ZNF827: variants seen among roughly 807,000 people sequenced by gnomAD.
The protein encoded by ZNF827 is zinc finger protein 827.
A neutral mutation model predicts 102.4 loss-of-function variants in ZNF827; 13 were observed. The observed-to-expected ratio is 0.13, with a 90% confidence interval of 0.08 to 0.20. ZNF827 has a LOEUF of 0.20. Ranked by LOEUF, ZNF827 falls within the 10% of genes least tolerant of loss-of-function variation. The pLI is 1.00. For synonymous variants in ZNF827, 523 were observed against 536.2 expected (o/e 0.98, Z 0.34); for missense variants, 1,103 against 1,344.4 (o/e 0.82, Z 2.81).
chr4:145,813,090 C>G (rs1024705437), intron 8 of ZNF827, among the ~76,000 whole-genome samples: 4 of 152,184 alleles, frequency 2.6e-5, no homozygotes, highest in Non-Finnish European at 5.9e-5. Flanking sequence ...CCATTAGTCA[C>G]TGACATCCTC....
intron 2 of ZNF827, 107 bp from the exon 3 acceptor site, chr4:145,892,522 G>T: frequency 1.6e-6 from 2 of 1,240,404 alleles, no homozygotes; most frequent in East Asian, 2.6e-5. Context: ...AAATGATTTG[G>T]GTTTTTTTCT....
intron 5 of ZNF827, among the ~76,000 whole-genome samples, chr4:145,851,845 C>T (rs1174169015): frequency 6.6e-6 from 1 of 152,154 alleles, no homozygotes; most frequent in Non-Finnish European, 1.5e-5. Context: ...CCAAGATACA[C>T]GCTTAGCTTC....
intron 8 of ZNF827, among the ~76,000 whole-genome samples, chr4:145,782,576 C>T (rs1192350345): frequency 6.6e-6 from 1 of 152,220 alleles, no homozygotes; most frequent in Admixed American, 6.5e-5. Flanking sequence ...CTTTCACCAA[C>T]ATTGTGGCAA....
At chr4:145,924,398 AT>A (rs532652799) in intron 1 of ZNF827, among the ~76,000 whole-genome samples, 1 of 152,010 alleles carries the variant, frequency 6.6e-6, no homozygotes, top group African/African-American at 2.4e-5. Flanking sequence ...TAGATATACT[AT>A]TTTTTTTAAG....
At chr4:145,805,206 T>C (rs556059654) in intron 8 of ZNF827, among the ~76,000 whole-genome samples, 10 of 152,094 alleles carry the variant, frequency 6.6e-5, no homozygotes, top group African/African-American at 2.4e-4. Context: ...AGGCATTCCC[T>C]CTTCTAGAAG....
intron 7 of ZNF827, among the ~76,000 whole-genome samples, chr4:145,824,784 C>T (rs577401276): frequency 2.4e-4 from 36 of 152,316 alleles, no homozygotes; most frequent in African/African-American, 7.9e-4. Flanking sequence ...GCCTAGGACT[C>T]CCAGGACTAG....
At chr4:145,817,427 C>G (rs904468780) in intron 8 of ZNF827, among the ~76,000 whole-genome samples, 1 of 152,024 alleles carries the variant, frequency 6.6e-6, no homozygotes, top group Non-Finnish European at 1.5e-5. Context: ...GGGTAATTTA[C>G]GAAGAAAAGA....
intron 8 of ZNF827, among the ~76,000 whole-genome samples, chr4:145,821,716 C>T (rs540363719): frequency 6.6e-6 from 1 of 152,100 alleles, no homozygotes; most frequent in African/African-American, 2.4e-5. Context: ...GTTATGCTGA[C>T]CTTCTCCCCC....
chr4:145,762,504 G>A lies in ZNF827; in HGVS notation c.*17+586C>T, dbSNP rs115545130. Among the ~76,000 whole-genome samples the A allele has an allele frequency of 9.7e-3, 1,483 of 152,246 alleles. 25 individuals are homozygous for A. Among genetic ancestry groups the A allele is most frequent in the African/African-American group, 0.034 (1,418 of 41,542 alleles). The stretch of plus-strand genomic sequence containing the variant: ...GTGCTTGGTAGAGTACTTAACACAC[G>A]GTAAGCACTCAGGACATACTGGTTC... On this transcript the variant is annotated intron_variant, in intron 14 of 14. Transcript: ENST00000508784. This position sits in a 1 kb window ranked among gnomAD's most constrained non-coding sequence, Gnocchi z 4.9.
chr4:145,817,069 A>G (rs1742657377), intron 8 of ZNF827, among the ~76,000 whole-genome samples: 1 of 152,242 alleles, frequency 6.6e-6, no homozygotes, highest in Non-Finnish European at 1.5e-5. Context: ...ATAAGTATGC[A>G]GCTTGATGAA....
chr4:145,775,877 C>T lies in ZNF827; in HGVS notation c.2605G>A (p.Val869Met), dbSNP rs770348989. 9 of 1,614,056 alleles carry T rather than the reference C, an allele frequency of 5.6e-6. No homozygotes were observed. Among genetic ancestry groups the T allele is most frequent in the East Asian group, 2.2e-5 (1 of 44,894 alleles). ...NLNQHLTVHS[V>M]KLVSTDTEDI... ...TCGGTGTCTGTACTCACCAGCTTCA[C>T]GGAATGGACGGTCAAGTGCTGGTTC... The change falls in exon 10 of 15, where the codon GTG becomes ATG. Residue 869 changes from valine to methionine, a missense_variant. Val to Met is a conservative substitution (Grantham distance 21, BLOSUM62 1). Around this residue, in one of 5 missense-constraint regions of ZNF827, gnomAD observed 242 missense variants for 361.9 expected, o/e 0.67. Coordinates refer to ENST00000508784, the MANE Select transcript of ZNF827 (RefSeq NM_001306215.2).
At chr4:145,867,730 A>G (rs1748328716) in intron 5 of ZNF827, among the ~76,000 whole-genome samples, 1 of 152,186 alleles carries the variant, frequency 6.6e-6, no homozygotes, top group African/African-American at 2.4e-5. Flanking sequence ...TGGGAAGACT[A>G]CAAATGAAAA....
At chr4:145,920,267 T>C (rs1752962280) in intron 1 of ZNF827, among the ~76,000 whole-genome samples, 2 of 152,188 alleles carry the variant, frequency 1.3e-5, no homozygotes, top group Non-Finnish European at 2.9e-5. Flanking sequence ...CTTCTGGTTG[T>C]TATGACCATG....
At chr4:145,876,945 C>T (rs962113276) in intron 4 of ZNF827, 1 of 152,068 alleles carries the variant, frequency 6.6e-6, no homozygotes, top group African/African-American at 2.4e-5. Context: ...CTGAGATCAG[C>T]AAAATAAATT....
At chr4:145,895,612 G>A (rs951214623) in intron 2 of ZNF827, among the ~76,000 whole-genome samples, 4 of 152,136 alleles carry the variant, frequency 2.6e-5, no homozygotes, top group Non-Finnish European at 5.9e-5. Flanking sequence ...AAAAGTAACC[G>A]AAGTACCATG....
intron 8 of ZNF827, among the ~76,000 whole-genome samples, chr4:145,799,419 C>T (rs1560937567): frequency 6.6e-6 from 1 of 152,148 alleles, no homozygotes; most frequent in Non-Finnish European, 1.5e-5. Flanking sequence ...GGAAGTCTGG[C>T]ACGGAAGGCT....
At chr4:145,875,888 GAATTT>G (rs1749109183) in intron 4 of ZNF827, among the ~76,000 whole-genome samples, 1 of 152,134 alleles carries the variant, frequency 6.6e-6, no homozygotes, top group African/African-American at 2.4e-5. Context: ...TGTTTGTTTT[GAATTT>G]AAGTTTTTAA....
chr4:145,837,890 T>C (rs193051483), intron 7 of ZNF827, among the ~76,000 whole-genome samples: 79 of 152,216 alleles, frequency 5.2e-4, no homozygotes, highest in African/African-American at 1.4e-3. Flanking sequence ...CCCTTCAGCT[T>C]AATCTCTCCC....
chr4:145,821,440 TC>T (rs1183923042), intron 8 of ZNF827, among the ~76,000 whole-genome samples: 2 of 152,220 alleles, frequency 1.3e-5, no homozygotes, highest in African/African-American at 4.8e-5. Context: ...ATTGAGGCCT[TC>T]CTTACAAAAC....
Sources: allele counts gnomAD v4.1 joint callset (sites outside exome capture counted in the v4.1 genomes callset), GRCh38; gene constraint gnomAD v4.1.1; regional missense constraint gnomAD v4.1.1; non-coding constraint Gnocchi (gnomAD v3.1); transcripts MANE v1.5; gene names NCBI Gene and HGNC (gene_info 2026-07-23, HGNC 2026-07-21).